UHRF2: variants seen among roughly 807,000 people sequenced by gnomAD.
UHRF2 encodes E3 ubiquitin-protein ligase UHRF2.
Under a neutral mutation model 96.8 loss-of-function variants are expected in UHRF2, and 23 were observed. The ratio of observed to expected loss-of-function variants is 0.24; its 90% CI spans 0.17 to 0.34. The LOEUF (loss-of-function observed/expected upper bound fraction) is 0.34, where lower values mean the gene tolerates loss of function less well. UHRF2 is among the 10% of genes least tolerant of loss of function. UHRF2 has a pLI of 1.00. For synonymous variants in UHRF2, 385 were observed against 332.6 expected, an observed-to-expected ratio of 1.16 and a Z score of -1.72; for missense variants, 685 against 981.5, an observed-to-expected ratio of 0.70 and a Z score of 4.04.
At chr9:6,453,071 T>C (rs753789721) in intron 3 of UHRF2, among the ~76,000 whole-genome samples, 10 of 152,200 alleles carry the variant, frequency 6.6e-5, no homozygotes, top group Non-Finnish European at 1.3e-4. Context: ...TGACTTACCT[T>C]TTACAGACTT....
intron 1 of UHRF2, among the ~76,000 whole-genome samples, chr9:6,419,398 ATAGAAT>A (rs1222376014): frequency 3.9e-5 from 6 of 152,186 alleles, no homozygotes; most frequent in Non-Finnish European, 7.3e-5. Flanking sequence ...TTGCAGATCG[ATAGAAT>A]TAGAGAACTT....
intron 3 of UHRF2, among the ~76,000 whole-genome samples, chr9:6,455,201 C>T (rs937580862): frequency 3.3e-5 from 5 of 152,298 alleles, no homozygotes; most frequent in Non-Finnish European, 7.4e-5. Flanking sequence ...TCGTTTGTTA[C>T]ATATGCATAC....
rs1181583536 is a variant in UHRF2 at position 6,434,182 on chromosome 9, T to G, written c.644+9T>G. 3.7e-6 allele frequency: 6 copies of G among 1,606,376 alleles called. No homozygotes were observed. In the Admixed American group the frequency reaches 1.0e-4, roughly 27 times the overall value. ...CATATCCAGTATGATGAGTAAGTGC[T>G]CAAGCTATTGAGGACTTTATTCATA... On this transcript the variant is annotated intron_variant, in intron 3 of 15. Transcript: ENST00000276893.
At chr9:6,504,890 T>C (rs1040590555) in intron 15 of UHRF2, among the ~76,000 whole-genome samples, 199 bp downstream of exon 15, 1 of 152,190 alleles carries the variant, frequency 6.6e-6, no homozygotes, top group African/African-American at 2.4e-5. Context: ...TATGTGTCAT[T>C]TGAGATATTC....
At chr9:6,452,282 A>T (rs1337223622) in intron 3 of UHRF2, among the ~76,000 whole-genome samples, 3 of 152,160 alleles carry the variant, frequency 2.0e-5, no homozygotes, top group Non-Finnish European at 2.9e-5. Context: ...TCAGGATTTT[A>T]TTTATGTCCA....
In UHRF2 at chr9:6,500,627, C is replaced by G; in HGVS notation, c.2081C>G (p.Pro694Arg). 6.2e-7 allele frequency: 1 copy of G among 1,614,006 alleles called. No homozygotes were observed. Among genetic ancestry groups the G allele is most frequent in the Non-Finnish European group, 8.5e-7 (1 of 1,179,972 alleles). ...GCAATTGAGGCTTTTCAACTAACTC[C>G]TCAACAGCAACATCTCATCAGAGAA... Reference protein sequence around the residue: ...AEAIEAFQLTPQQQHLIREDC... With the variant: ...AEAIEAFQLTRQQQHLIREDC... The change falls in exon 14 of 16, where the codon CCT becomes CGT. Residue 694 changes from proline to arginine, a missense_variant. Pro to Arg is a moderately radical substitution (Grantham distance 103). Around this residue, in one of 6 missense-constraint regions of UHRF2, gnomAD observed 99 missense variants for 73.5 expected, o/e 1.35. Transcript: ENST00000276893.
chr9:6,503,039 G>A (rs1473566565), intron 14 of UHRF2, among the ~76,000 whole-genome samples: 1 of 152,132 alleles, frequency 6.6e-6, no homozygotes, highest in East Asian at 1.9e-4. Context: ...CTGTCTCCCA[G>A]GCTGAAGTAC....
intron 3 of UHRF2, among the ~76,000 whole-genome samples, chr9:6,450,467 C>G (rs1437051853): frequency 6.6e-6 from 1 of 152,120 alleles, no homozygotes; most frequent in Non-Finnish European, 1.5e-5. Flanking sequence ...GATTTAAACT[C>G]TGTTAGATAA....
intron 3 of UHRF2, among the ~76,000 whole-genome samples, chr9:6,452,643 A>T (rs1406967858): frequency 2.0e-5 from 3 of 152,322 alleles, no homozygotes; most frequent in East Asian, 3.9e-4. Flanking sequence ...CGTAAATGGG[A>T]CTAAGTAACT....
chr9:6,422,962 T>C, intron 2 of UHRF2: 1 of 291,296 alleles, frequency 3.4e-6, no homozygotes, highest in South Asian at 1.6e-4. Context: ...TCAAATCTAA[T>C]AAATTGTGTA....
chr9:6,447,938 G>T (rs1297230365), intron 3 of UHRF2, among the ~76,000 whole-genome samples: 1 of 152,108 alleles, frequency 6.6e-6, no homozygotes, highest in East Asian at 1.9e-4. Context: ...AAAAACAAGA[G>T]GATTGGTTAA....
chr9:6,475,526 G>C, intron 5 of UHRF2, 26 bp downstream of exon 5: 1 of 1,426,516 alleles, frequency 7.0e-7, no homozygotes, highest in South Asian at 1.3e-5. Flanking sequence ...TTTGGTCTTA[G>C]ACTACATGTG....
chr9:6,478,405 A>G (rs1203551301), intron 6 of UHRF2, among the ~76,000 whole-genome samples: 4 of 152,196 alleles, frequency 2.6e-5, no homozygotes, highest in East Asian at 1.9e-4. Context: ...GTTATGTTCT[A>G]TAATAGTACT....
intron 1 of UHRF2, among the ~76,000 whole-genome samples, chr9:6,418,594 T>G (rs992577633): frequency 2.6e-5 from 4 of 152,230 alleles, no homozygotes; most frequent in Non-Finnish European, 2.9e-5. Context: ...AATATGATGT[T>G]ACTGTGTTAG....
chr9:6,479,716 C>T (rs1195594408), intron 6 of UHRF2, among the ~76,000 whole-genome samples: 1 of 152,186 alleles, frequency 6.6e-6, no homozygotes, highest in East Asian at 1.9e-4. Context: ...GCTCCTCCCC[C>T]AGTCTTCATT....
chr9:6,459,954 C>G (rs945266802), intron 3 of UHRF2, among the ~76,000 whole-genome samples: 3 of 152,124 alleles, frequency 2.0e-5, no homozygotes, highest in South Asian at 4.2e-4. Context: ...GCCTAGGTGG[C>G]AGAGTGAGAC....
In UHRF2 at chr9:6,506,360, T is replaced by C; in HGVS notation, c.*181T>C. On this transcript the variant is annotated 3_prime_UTR_variant, in exon 16 of 16. Coordinates refer to ENST00000276893, the MANE Select transcript of UHRF2 (RefSeq NM_152896.3). ...AGAGGCCCATTTCTCAACTGTCTTT[T>C]AAATATCTAAAGGTAGTTCCTGTAA... is the stretch of plus-strand genomic sequence containing the variant. The C allele has an allele frequency of 4.3e-6, 3 of 703,232 alleles. No individual in the cohort carries two copies. Among genetic ancestry groups the C allele is most frequent in the Non-Finnish European group, 6.6e-6 (3 of 455,994 alleles). 43.6% of individuals were successfully genotyped at this position (703,232 alleles called of 1,614,324 possible). A position where few individuals can be genotyped will look rare whatever the true frequency, so the allele number is the denominator to read the frequency against.
chr9:6,446,099 C>T (rs771253964), intron 3 of UHRF2, among the ~76,000 whole-genome samples: 7 of 150,122 alleles, frequency 4.7e-5, no homozygotes, highest in South Asian at 2.1e-4. Context: ...CTCAGGTGAT[C>T]CTCCTGCCTT....
At chr9:6,482,758 G>C (rs1342257525) in intron 8 of UHRF2, among the ~76,000 whole-genome samples, 1 of 151,974 alleles carries the variant, frequency 6.6e-6, no homozygotes, top group Non-Finnish European at 1.5e-5. Flanking sequence ...CACCACGCCT[G>C]GCTAATTTCT....
Sources: allele counts gnomAD v4.1 joint callset (sites outside exome capture counted in the v4.1 genomes callset), GRCh38; gene constraint gnomAD v4.1.1; regional missense constraint gnomAD v4.1.1; transcripts MANE v1.5; gene names NCBI Gene and HGNC (gene_info 2026-07-23, HGNC 2026-07-21).